Variants in CCDC7 observed in about 807,000 individuals in gnomAD.
CCDC7 encodes coiled-coil domain containing 7.
A neutral mutation model predicts 196.9 loss-of-function variants in CCDC7; 183 were observed. The ratio of observed to expected loss-of-function variants is 0.93; its 90% CI spans 0.82 to 1.05. CCDC7 has a LOEUF of 1.05. Among genes scored for constraint, CCDC7 ranks in the 50% least tolerant of loss-of-function variants. The pLI is 0.00. For missense variants in CCDC7, 1,540 were observed against 1,482.2 expected, an observed-to-expected ratio of 1.04 and a Z score of -0.64; for synonymous variants, 525 against 484.6, an observed-to-expected ratio of 1.08 and a Z score of -1.10.
chr10:32,553,621 G>A (rs2053861895), intron 13 of CCDC7, among the ~76,000 whole-genome samples: 1 of 152,084 alleles, frequency 6.6e-6, no homozygotes, highest in African/African-American at 2.4e-5. Context: ...CCTTGATGTA[G>A]TACTCTCCCC....
At position 32,854,397 on chromosome 10, in the gene CCDC7, T is replaced by A. The variant is rs199660420; in HGVS notation, c.4022-3T>A. ...TTTAATAACACTGTTCTCATTTTTT[T>A]AGGGCATTCGAAAGTTGTTACCTTA... On this transcript the variant is annotated splice_region_variant and splice_polypyrimidine_tract_variant and intron_variant, in intron 40 of 41. Coordinates refer to ENST00000639629, the Ensembl canonical transcript of CCDC7. The A allele has an allele frequency of 1.1e-4, 179 of 1,565,490 alleles. No homozygotes were observed. The African/African-American group carries it at 2.2e-3, about 19-fold the overall frequency.
intron 31 of CCDC7, among the ~76,000 whole-genome samples, chr10:32,820,716 A>G (rs975820639): frequency 6.6e-6 from 1 of 152,210 alleles, no homozygotes; most frequent in Non-Finnish European, 1.5e-5. Flanking sequence ...GAAATGGGGA[A>G]AGGATTCCCT....
chr10:32,854,547 C>CGGCTCT (rs2093679451), intron 41 of CCDC7, 58 bp downstream of exon 42: 1 of 1,115,288 alleles, frequency 9.0e-7, no homozygotes, highest in Admixed American at 2.3e-5. Context: ...ATATTCTCAT[C>CGGCTCT]GTCTCTATTT....
intron 6 of CCDC7, 27 bp downstream of exon 7, chr10:32,471,257 A>C: frequency 6.3e-7 from 1 of 1,598,116 alleles, no homozygotes; most frequent in Non-Finnish European, 8.5e-7. Flanking sequence ...AACTAATTGA[A>C]TTAAAAACAG....
chr10:32,506,242 C>T lies in CCDC7; in HGVS notation c.873-11703C>T, dbSNP rs185990605. Among the ~76,000 whole-genome samples, 597 of 144,408 alleles carry T rather than the reference C, an allele frequency of 4.1e-3. 4 individuals carry two copies. Among genetic ancestry groups the T allele is most frequent in the African/African-American group, 0.015 (580 of 38,542 alleles). 94.7% of individuals were successfully genotyped at this position (144,408 alleles called of 152,430 possible). Reference sequence around the variant, plus strand: ...ACGGGGTGGCCGGGCAGAGGCGCTACTCACTTCCCAGACGGGGCGGCCGGG... The same window carrying T: ...ACGGGGTGGCCGGGCAGAGGCGCTATTCACTTCCCAGACGGGGCGGCCGGG... On this transcript the variant is annotated intron_variant, in intron 9 of 41. Transcript: ENST00000639629.
intron 20 of CCDC7, among the ~76,000 whole-genome samples, chr10:32,661,656 G>A (rs2071477759): frequency 6.6e-6 from 1 of 152,130 alleles, no homozygotes; most frequent in South Asian, 2.1e-4. Flanking sequence ...GGCCCAGGAT[G>A]TGTCTAGAAG....
intron 8 of CCDC7, among the ~76,000 whole-genome samples, chr10:32,488,452 C>A (rs2041606814): frequency 6.6e-6 from 1 of 152,214 alleles, no homozygotes; most frequent in South Asian, 2.1e-4. Context: ...CAATGCCTTG[C>A]TGTGCTTCGG....
At chr10:32,602,942 C>A (rs2061212466) in intron 18 of CCDC7, among the ~76,000 whole-genome samples, 1 of 152,060 alleles carries the variant, frequency 6.6e-6, no homozygotes, top group African/African-American at 2.4e-5. Context: ...AAACATTTAT[C>A]ATTTCTTTGT....
intron 25 of CCDC7, among the ~76,000 whole-genome samples, chr10:32,721,627 A>G (rs2082427074): frequency 6.6e-6 from 1 of 152,086 alleles, no homozygotes; most frequent in Admixed American, 6.6e-5. Context: ...GTTGGGATAG[A>G]GTGGGCCAAA....
intron 9 of CCDC7, among the ~76,000 whole-genome samples, chr10:32,506,956 A>G (rs893025217): frequency 2.0e-5 from 3 of 152,294 alleles, no homozygotes; most frequent in African/African-American, 7.2e-5. Context: ...ATATAAGTAT[A>G]GCCACTCATG....
At chr10:32,454,336 A>G (rs773778135) in intron 2 of CCDC7, among the ~76,000 whole-genome samples, 1 of 152,166 alleles carries the variant, frequency 6.6e-6, no homozygotes, top group African/African-American at 2.4e-5. Flanking sequence ...TGTGGTTATT[A>G]TGTTTTGAAG....
At chr10:32,577,259 G>T in intron 16 of CCDC7, among the ~76,000 whole-genome samples, 1 of 152,086 alleles carries the variant, frequency 6.6e-6, no homozygotes, top group South Asian at 2.1e-4. Context: ...CTACTTAGGA[G>T]GCTGAGGCAG....
chr10:32,586,367 T>G (rs528492562), intron 18 of CCDC7, among the ~76,000 whole-genome samples: 85 of 152,328 alleles, frequency 5.6e-4, no homozygotes, highest in African/African-American at 2.0e-3. Context: ...GTGCAGAAAC[T>G]CTTTAGTTTA....
At chr10:32,841,926 C>T (rs2093001129) in intron 33 of CCDC7, among the ~76,000 whole-genome samples, 1 of 151,888 alleles carries the variant, frequency 6.6e-6, no homozygotes, top group Admixed American at 6.6e-5. Flanking sequence ...GAAACTGGAT[C>T]CTCATCTCTC....
At chr10:32,690,718 G>A (rs947037365) in intron 23 of CCDC7, among the ~76,000 whole-genome samples, 2 of 152,196 alleles carry the variant, frequency 1.3e-5, no homozygotes, top group African/African-American at 2.4e-5. Context: ...GCTAGGTGCT[G>A]TTAATCTGGA....
intron 18 of CCDC7, among the ~76,000 whole-genome samples, chr10:32,603,529 T>TA (rs2061282100): frequency 1.6e-5 from 2 of 121,982 alleles, no homozygotes; most frequent in South Asian, 7.3e-4. Context: ...CTCTATAATG[T>TA]TTTTTTTAAT....
chr10:32,602,675 G>A (rs2061180268), intron 18 of CCDC7, among the ~76,000 whole-genome samples: 1 of 152,076 alleles, frequency 6.6e-6, no homozygotes. Flanking sequence ...CCTTGGGAAA[G>A]TTTCTTAAAC....
intron 26 of CCDC7, among the ~76,000 whole-genome samples, chr10:32,727,705 G>A (rs4145862): frequency 0.14 from 21,048 of 152,032 alleles, 1,761 homozygotes; most frequent in East Asian, 0.25. Context: ...CTAATATATC[G>A]CTTTCCTGCT....
intron 5 of CCDC7, among the ~76,000 whole-genome samples, chr10:32,469,661 TG>T (rs779870081): frequency 6.6e-6 from 1 of 152,188 alleles, no homozygotes; most frequent in South Asian, 2.1e-4. Context: ...TACGAAGTTC[TG>T]GGGGAAGCTG....
Sources: allele counts gnomAD v4.1 joint callset (sites outside exome capture counted in the v4.1 genomes callset), GRCh38; gene constraint gnomAD v4.1.1; transcripts MANE v1.5; gene names NCBI Gene and HGNC (gene_info 2026-07-23, HGNC 2026-07-21).